FRMD5: variants seen among roughly 807,000 people sequenced by gnomAD.
FRMD5 encodes FERM domain containing 5, also known as FERM domain-containing protein 5.
In FRMD5, 20 loss-of-function variants were observed where a neutral mutation model predicts 69.0. The observed-to-expected ratio is 0.29, with a 90% CI of 0.20 to 0.42. The LOEUF is 0.42. Among genes scored for constraint, FRMD5 ranks in the 10% least tolerant of loss-of-function variants. The pLI is 1.00. For missense variants in FRMD5, 595 were observed against 708.6 expected, an observed-to-expected ratio of 0.84 and a Z score of 1.82; for synonymous variants, 271 against 260.1, an observed-to-expected ratio of 1.04 and a Z score of -0.40.
chr15:43,910,703 A>G (rs568673274), intron 4 of FRMD5, among the ~76,000 whole-genome samples: 1 of 152,306 alleles, frequency 6.6e-6, no homozygotes, highest in African/African-American at 2.4e-5. Flanking sequence ...TGGAAGCAGG[A>G]TATCAAAAAC....
chr15:44,028,564 G>C (rs1891540569), intron 1 of FRMD5, among the ~76,000 whole-genome samples: 1 of 152,200 alleles, frequency 6.6e-6, no homozygotes, highest in East Asian at 1.9e-4. Context: ...CTGAGGTTCA[G>C]GTTTCCTGAG....
chr15:44,198,223 CTGAGGTGGGAGGAT>C (rs1461958553), upstream of FRMD5, among the ~76,000 whole-genome samples: 3 of 150,038 alleles, frequency 2.0e-5, no homozygotes, highest in African/African-American at 7.4e-5. Flanking sequence ...GCTGGGGAGG[CTGAGGTGGGAGGAT>C]TGCTTGAGCC....
At chr15:44,061,561 T>C (rs890911535) in intron 1 of FRMD5, among the ~76,000 whole-genome samples, 1 of 152,228 alleles carries the variant, frequency 6.6e-6, no homozygotes, top group East Asian at 1.9e-4. Flanking sequence ...ATATAGGCCA[T>C]AAATGTGTAA....
intron 1 of FRMD5, among the ~76,000 whole-genome samples, chr15:44,083,056 C>T (rs1166995686): frequency 6.6e-6 from 1 of 151,938 alleles, no homozygotes; most frequent in African/African-American, 2.4e-5. Context: ...TAATTCATGA[C>T]AAGCTTCTCA....
At chr15:44,124,894 C>T (rs569932427) in intron 1 of FRMD5, among the ~76,000 whole-genome samples, 8 of 152,038 alleles carry the variant, frequency 5.3e-5, no homozygotes, top group Middle Eastern at 3.4e-3. Context: ...CAGAAGAGGA[C>T]GGGAAGATCG....
intron 1 of FRMD5, among the ~76,000 whole-genome samples, chr15:43,939,439 C>T (rs1345007147): frequency 6.6e-6 from 1 of 152,140 alleles, no homozygotes; most frequent in East Asian, 1.9e-4. Context: ...AGAAAAGCTG[C>T]TGCCTCAGTA....
chr15:43,996,790 A>G (rs1316328870), intron 1 of FRMD5, among the ~76,000 whole-genome samples: 3 of 129,918 alleles, frequency 2.3e-5, no homozygotes, highest in Non-Finnish European at 3.1e-5. Flanking sequence ...AGTGTTCTGC[A>G]TGTTGAAAAT....
rs367858162 is a variant in FRMD5, at chr15:43,899,614, C to T, written c.639+2561G>A. On this transcript the variant is annotated intron_variant, in intron 7 of 13. Transcript: ENST00000417257. ...ATGTGAAAAGACTCCACTGAGGCCG[C>T]CATGGGAGGCATACCACAAACATCT... Among the ~76,000 whole-genome samples, 28 of 152,322 alleles carry T rather than the reference C, an allele frequency of 1.8e-4. No homozygotes were observed. In the East Asian group the frequency reaches 5.2e-3, roughly 28 times the overall value.
At chr15:44,071,401 T>C (rs1421197199) in intron 1 of FRMD5, among the ~76,000 whole-genome samples, 1 of 152,062 alleles carries the variant, frequency 6.6e-6, no homozygotes, top group African/African-American at 2.4e-5. Flanking sequence ...CACTCCAGCC[T>C]GGGTGACAAA....
chr15:43,888,811 C>T lies in FRMD5; in HGVS notation c.790G>A (p.Glu264Lys), dbSNP rs1435286059. ...KTFYLYVSQK[E>K]EKKIILTYFA... Reference sequence around the variant, plus strand: ...AAGAGAAGGAAGCCAGCACTCACCTCTTTCTGACTTACGTATAAATAGAAA... The same window carrying T: ...AAGAGAAGGAAGCCAGCACTCACCTTTTTCTGACTTACGTATAAATAGAAA... Residue 264 changes from glutamate to lysine, a missense_variant and splice_region_variant, in exon 9 of 14, where the codon GAG becomes AAG. Glu to Lys is a moderately conservative substitution (Grantham distance 56). Coordinates refer to ENST00000417257, the MANE Select transcript of FRMD5 (RefSeq NM_032892.5). The T allele has an allele frequency of 3.1e-6, 5 of 1,613,344 alleles. No homozygotes were observed. Among genetic ancestry groups the T allele is most frequent in the Non-Finnish European group, 4.2e-6 (5 of 1,179,244 alleles).
rs544762263 is a variant in FRMD5 at position 44,037,471 on chromosome 15, T to C, written c.103-113162A>G. On this transcript the variant is annotated intron_variant, in intron 1 of 13. Transcript: ENST00000417257. ...ATACGTGTACATGTGTCTTTTCTCTTTTTTTTTTTTTTTTTGATATGGAGT... is the reference window on the plus strand; with the variant it reads ...ATACGTGTACATGTGTCTTTTCTCTCTTTTTTTTTTTTTTTGATATGGAGT... Among the ~76,000 whole-genome samples the C allele has an allele frequency of 6.7e-4, 90 of 134,392 alleles. No individual in the cohort carries two copies. The South Asian group carries it at 0.01, about 15-fold the overall frequency. The allele number at this position is 134,392 out of a possible 152,430, so 88.2% of individuals were successfully genotyped here. A position where few individuals can be genotyped will look rare whatever the true frequency, so the allele number is the denominator to read the frequency against.
At chr15:44,122,026 C>T (rs952674302) in intron 1 of FRMD5, among the ~76,000 whole-genome samples, 1 of 145,670 alleles carries the variant, frequency 6.9e-6, no homozygotes, top group Non-Finnish European at 1.5e-5. Context: ...AAATAGTATA[C>T]TTTTCACTGT....
intron 1 of FRMD5, among the ~76,000 whole-genome samples, chr15:43,968,605 C>T (rs544722980): frequency 6.6e-6 from 1 of 152,220 alleles, no homozygotes; most frequent in Admixed American, 6.5e-5. Flanking sequence ...TGCAGCTTTC[C>T]TAAAGGTGGT....
chr15:43,883,109 ATTC>A (rs945420814), intron 13 of FRMD5, among the ~76,000 whole-genome samples: 18 of 149,846 alleles, frequency 1.2e-4, no homozygotes, highest in African/African-American at 1.7e-4. Context: ...TTTTTAAAAA[ATTC>A]TTTTTTTTTT....
At chr15:43,955,480 C>T (rs1200820372) in intron 1 of FRMD5, among the ~76,000 whole-genome samples, 1 of 152,166 alleles carries the variant, frequency 6.6e-6, no homozygotes. Flanking sequence ...CCAGTTATCA[C>T]AAGGGATTTC....
chr15:44,084,876 CA>C (rs1428112589), intron 1 of FRMD5, among the ~76,000 whole-genome samples: 1 of 152,114 alleles, frequency 6.6e-6, no homozygotes, highest in East Asian at 1.9e-4. Context: ...CAGAGGCCAC[CA>C]TTCCCCATGG....
At chr15:43,977,025 G>A (rs978851465) in intron 1 of FRMD5, among the ~76,000 whole-genome samples, 5 of 151,928 alleles carry the variant, frequency 3.3e-5, no homozygotes, top group African/African-American at 1.2e-4. Context: ...GTAGAAACAG[G>A]GTTTCACCAT....
intron 1 of FRMD5, among the ~76,000 whole-genome samples, chr15:44,033,883 T>C (rs573752521): frequency 1.3e-5 from 2 of 152,214 alleles, no homozygotes; most frequent in Non-Finnish European, 2.9e-5. Flanking sequence ...CATTTATGTT[T>C]GAGGCTTGGC....
chr15:43,950,928 A>G (rs181235892), intron 1 of FRMD5, among the ~76,000 whole-genome samples: 64 of 152,320 alleles, frequency 4.2e-4, no homozygotes, highest in Admixed American at 2.4e-3. Flanking sequence ...AATGCCCCTT[A>G]TATCAATGGA....
Sources: allele counts gnomAD v4.1 joint callset (sites outside exome capture counted in the v4.1 genomes callset), GRCh38; gene constraint gnomAD v4.1.1; transcripts MANE v1.5; gene names NCBI Gene and HGNC (gene_info 2026-07-23, HGNC 2026-07-21).